Variants in LRRIQ3 observed in about 807,000 individuals in gnomAD.
The protein encoded by LRRIQ3 is leucine-rich repeat and IQ domain-containing protein 3.
Under a neutral mutation model 59.3 loss-of-function variants are expected in LRRIQ3, and 75 were observed. The ratio of observed to expected loss-of-function variants is 1.26; its 90% CI spans 1.05 to 1.53. The LOEUF (loss-of-function observed/expected upper bound fraction) is 1.53, where lower values mean the gene tolerates loss of function less well. Ranked by LOEUF, LRRIQ3 falls within the 40% of genes most tolerant of loss-of-function variation. The pLI, the probability that LRRIQ3 is intolerant of heterozygous loss-of-function variation, is 0.00. For missense variants in LRRIQ3, 831 were observed against 710.0 expected (o/e 1.17, Z -1.94); for synonymous variants, 250 against 231.3 (o/e 1.08, Z -0.73).
intron 4 of LRRIQ3, among the ~76,000 whole-genome samples, chr1:74,151,057 C>T (rs1292221316): frequency 7.7e-6 from 1 of 129,768 alleles, no homozygotes; most frequent in African/African-American, 2.9e-5. Flanking sequence ...CTTGCTCTGT[C>T]ACCAGGCTGG....
At chr1:74,138,468 C>G in intron 4 of LRRIQ3, 2 of 984,534 alleles carry the variant, frequency 2.0e-6, no homozygotes, top group South Asian at 9.4e-5. Context: ...TGGGCAGGGT[C>G]TGACCCAGAG....
rs780460771 is a variant in LRRIQ3 at position 74,041,417 on chromosome 1, A to G, written c.1514T>C (p.Leu505Pro). Residue 505 changes from leucine (L) to proline (P), a missense_variant, in exon 7 of 8, where the codon CTA (leucine) becomes CCA (proline). Coordinates refer to ENST00000354431, the MANE Select transcript of LRRIQ3 (RefSeq NM_001105659.2). ...TGAAGCCTTTTGGGATTTTTCTTTT[A>G]GAAACAGAGCTTTTCTCTCTCTAGC... The part of the protein sequence containing the change: ...EKARERKALF[L>P]KEKSQKASER... 3.7e-6 allele frequency: 6 copies of G among 1,613,678 alleles called. No homozygotes were observed. Among genetic ancestry groups the G allele is most frequent in the Non-Finnish European group, 5.1e-6 (6 of 1,179,892 alleles).
chr1:74,063,144 ACAACAAC>A (rs1654774676), intron 6 of LRRIQ3, among the ~76,000 whole-genome samples: 1 of 150,838 alleles, frequency 6.6e-6, no homozygotes, highest in African/African-American at 2.4e-5. Flanking sequence ...AACAACAACA[ACAACAAC>A]AAAACGAGGA....
intron 5 of LRRIQ3, among the ~76,000 whole-genome samples, chr1:74,085,323 C>CAAAAAAAAAAAAAAAAAAA (rs61216155): frequency 8.2e-6 from 1 of 121,614 alleles, no homozygotes; most frequent in Non-Finnish European, 1.8e-5. Context: ...TACATGGTGG[C>CAAAAAAAAAAAAAAAAAAA]AAAAAAAAAA....
At chr1:74,160,537 C>T (rs1648598772) in intron 3 of LRRIQ3, among the ~76,000 whole-genome samples, 1 of 152,006 alleles carries the variant, frequency 6.6e-6, no homozygotes, top group African/African-American at 2.4e-5. Context: ...CCTTTATTTG[C>T]TTTAATTTTC....
rs1196656425 is a variant in LRRIQ3 at position 74,026,372 on chromosome 1, A to T, written c.*441T>A. 3 of 152,286 alleles carry T rather than the reference A, an allele frequency of 2.0e-5. No homozygotes were observed. The allele number at this position is 152,286 out of a possible 1,614,324, so 9.4% of individuals were successfully genotyped here. A position where few individuals can be genotyped will look rare whatever the true frequency, so the allele number is the denominator to read the frequency against. ...ATTCAGAAATTGTTTTAACAAAATAAGCAGGAAATATATAAAAGCAGGTAA... is the reference window on the plus strand; with the variant it reads ...ATTCAGAAATTGTTTTAACAAAATATGCAGGAAATATATAAAAGCAGGTAA... On this transcript the variant is annotated 3_prime_UTR_variant, in exon 8 of 8. Transcript: ENST00000354431.
chr1:74,098,455 T>G (rs530372968), intron 5 of LRRIQ3, among the ~76,000 whole-genome samples: 55 of 152,012 alleles, frequency 3.6e-4, no homozygotes, highest in African/African-American at 1.3e-3. Context: ...AAAAATAATG[T>G]GAGACTTTAA....
chr1:74,155,805 ATTGCATT>A lies in LRRIQ3; in HGVS notation c.628_634del (p.Asn210PhefsTer9), dbSNP rs765873788. ...CAAAACTGGTGAATTATGAGCCAGAATTGCATTAATTTTTGAAGTAATATGTTTAATA... is the reference window on the plus strand; with the variant it reads ...CAAAACTGGTGAATTATGAGCCAGAAAATTTTTGAAGTAATATGTTTAATA... On this transcript the variant is annotated frameshift_variant, in exon 4 of 8. Transcript: ENST00000354431. LOFTEE classifies it high-confidence loss of function. 2.5e-6 allele frequency: 4 copies of A among 1,585,570 alleles called. No homozygotes were observed. In the Admixed American group the frequency reaches 7.2e-5, roughly 28 times the overall value.
chr1:74,060,200 CTTCTTCTTCTTCTTCTTCTTG>C (rs778665484), intron 6 of LRRIQ3, among the ~76,000 whole-genome samples: 15,508 of 69,304 alleles, frequency 0.22, 1,104 homozygotes, highest in East Asian at 0.46. Context: ...TCTTCTTCTT[CTTCTTCTTCTTCTTCTTCTTG>C]TTCTTCTTCT....
chr1:74,049,366 G>A (rs1488249752), intron 6 of LRRIQ3, among the ~76,000 whole-genome samples: 1 of 152,136 alleles, frequency 6.6e-6, no homozygotes, highest in Non-Finnish European at 1.5e-5. Context: ...ATTTGAATGT[G>A]GACCGTAAAA....
At chr1:74,050,186 T>C (rs1654328866) in intron 6 of LRRIQ3, among the ~76,000 whole-genome samples, 1 of 152,124 alleles carries the variant, frequency 6.6e-6, no homozygotes, top group African/African-American at 2.4e-5. Context: ...CCTCCCAAAG[T>C]GCTGGGACTA....
chr1:74,054,068 A>G (rs1654450761), intron 6 of LRRIQ3, among the ~76,000 whole-genome samples: 1 of 152,198 alleles, frequency 6.6e-6, no homozygotes, highest in Non-Finnish European at 1.5e-5. Flanking sequence ...AAACCTGCAC[A>G]TGGATATTTA....
At chr1:74,076,606 C>A (rs1208237585) in intron 5 of LRRIQ3, among the ~76,000 whole-genome samples, 1 of 152,034 alleles carries the variant, frequency 6.6e-6, no homozygotes, top group Non-Finnish European at 1.5e-5. Flanking sequence ...TTGTTCAAAC[C>A]TCCTTTATTT....
chr1:74,057,864 A>G (rs1406821226), intron 6 of LRRIQ3, among the ~76,000 whole-genome samples: 1 of 152,090 alleles, frequency 6.6e-6, no homozygotes, highest in East Asian at 1.9e-4. Context: ...GGGAACTCAA[A>G]CTCAATAGCT....
chr1:74,085,013 T>C (rs1171735824), intron 5 of LRRIQ3, among the ~76,000 whole-genome samples: 1 of 151,802 alleles, frequency 6.6e-6, no homozygotes, highest in Non-Finnish European at 1.5e-5. Context: ...CATAACTTTA[T>C]GTTTTATTCT....
At chr1:74,094,127 G>T (rs1235716082) in intron 5 of LRRIQ3, among the ~76,000 whole-genome samples, 1 of 151,892 alleles carries the variant, frequency 6.6e-6, no homozygotes, top group Non-Finnish European at 1.5e-5. Flanking sequence ...GTTGGGGGAG[G>T]GGGAGATTCT....
At chr1:74,118,303 GT>G (rs1236418247) in intron 4 of LRRIQ3, among the ~76,000 whole-genome samples, 4 of 151,894 alleles carry the variant, frequency 2.6e-5, no homozygotes, top group Non-Finnish European at 5.9e-5. Context: ...TTTTGCCCTT[GT>G]TTTTTGCAAA....
At chr1:74,029,661 T>G (rs570695379) in intron 7 of LRRIQ3, among the ~76,000 whole-genome samples, 2 of 152,190 alleles carry the variant, frequency 1.3e-5, no homozygotes, top group South Asian at 4.1e-4. Flanking sequence ...AAAATTCTCT[T>G]TTTTGTGTGT....
chr1:74,050,571 T>C lies in LRRIQ3; in HGVS notation c.998-8638A>G. ...GAACGTATTGCAGATTTATGAACCA[T>C]CTGTGAAGAAACAAATGGTCCAAAC... On this transcript the variant is annotated intron_variant, in intron 6 of 7. Transcript: ENST00000354431. 4 of 985,390 alleles carry C rather than the reference T, an allele frequency of 4.1e-6. No homozygotes were observed. The South Asian group carries it at 1.4e-4, about 35-fold the overall frequency. 61.0% of individuals were successfully genotyped at this position (985,390 alleles called of 1,614,324 possible). A position where few individuals can be genotyped will look rare whatever the true frequency, so the allele number is the denominator to read the frequency against.
Sources: gnomAD v4.1 joint callset for allele counts (sites outside exome capture counted in the v4.1 genomes callset) on GRCh38, gnomAD v4.1.1 for gene constraint, MANE v1.5 for transcripts, NCBI Gene and HGNC (gene_info 2026-07-23, HGNC 2026-07-21) for gene names.